ANO10: variants seen among roughly 807,000 people sequenced by gnomAD.
The protein encoded by ANO10 is anoctamin 10.
Under a neutral mutation model 74.7 loss-of-function variants are expected in ANO10, and 77 were observed. The observed-to-expected ratio is 1.03, with a 90% CI of 0.86 to 1.25. The LOEUF (loss-of-function observed/expected upper bound fraction) is 1.25. ANO10 is among the 50% of genes most tolerant of loss of function. The probability of loss-of-function intolerance (pLI) is 0.00; values close to 1 mark genes in which losing one functional copy is unlikely to be tolerated. For missense variants in ANO10, 721 were observed against 778.1 expected (o/e 0.93, Z 0.87); for synonymous variants, 279 against 284.9 (o/e 0.98, Z 0.21).
chr3:43,556,780 G>A (rs934644790), intron 9 of ANO10, among the ~76,000 whole-genome samples: 2 of 152,054 alleles, frequency 1.3e-5, no homozygotes, highest in Non-Finnish European at 2.9e-5. Flanking sequence ...ACACAATGGT[G>A]AGAAGATAAA....
At chr3:43,573,641 G>C (rs1339928428) in intron 7 of ANO10, among the ~76,000 whole-genome samples, 1 of 152,076 alleles carries the variant, frequency 6.6e-6, no homozygotes, top group African/African-American at 2.4e-5. Flanking sequence ...CGATAAATGA[G>C]GTGTTTTCAA....
At chr3:43,427,822 C>G (rs1215968748) in intron 12 of ANO10, among the ~76,000 whole-genome samples, 1 of 152,154 alleles carries the variant, frequency 6.6e-6, no homozygotes, top group Non-Finnish European at 1.5e-5. Flanking sequence ...AAGTCATGGC[C>G]AGTTAATTTT....
intron 12 of ANO10, among the ~76,000 whole-genome samples, chr3:43,390,710 C>T (rs975250673): frequency 2.0e-5 from 3 of 152,190 alleles, no homozygotes; most frequent in Non-Finnish European, 2.9e-5. Context: ...ACAGTAACCA[C>T]AAACAGATCT....
chr3:43,687,302 A>G (rs1187355025), intron 1 of ANO10, among the ~76,000 whole-genome samples: 1 of 152,206 alleles, frequency 6.6e-6, no homozygotes, highest in Non-Finnish European at 1.5e-5. Flanking sequence ...AGGCCATTGA[A>G]GCCCTCATAA....
intron 12 of ANO10, among the ~76,000 whole-genome samples, chr3:43,408,519 T>C (rs1428846328): frequency 6.6e-6 from 1 of 152,182 alleles, no homozygotes; most frequent in African/African-American, 2.4e-5. Context: ...ACATTTTACT[T>C]ACTGCCCAAA....
At chr3:43,471,760 G>A (rs1401556732) in intron 11 of ANO10, among the ~76,000 whole-genome samples, 1 of 152,132 alleles carries the variant, frequency 6.6e-6, no homozygotes, top group Non-Finnish European at 1.5e-5. Flanking sequence ...GTGACACAGT[G>A]AGACCCCATC....
rs1248469622 is a variant in ANO10, at chr3:43,447,678, G to A, written c.1798-14951C>T. Among the ~76,000 whole-genome samples the A allele has an allele frequency of 2.6e-5, 4 of 152,224 alleles. No homozygotes were observed. In the East Asian group the frequency reaches 7.7e-4, roughly 29 times the overall value. ...TTAGAACATGTTAAATTCTAATGAA[G>A]TTCTACTATTTTTTATTGAGATTTT... is the stretch of plus-strand genomic sequence containing the variant. On this transcript the variant is annotated intron_variant, in intron 11 of 12. Coordinates refer to ENST00000292246, the MANE Select transcript of ANO10 (RefSeq NM_018075.5).
At position 43,475,507 on chromosome 3, in the gene ANO10, C is replaced by T. The variant is rs116718559; in HGVS notation, c.1798-42780G>A. On this transcript the variant is annotated intron_variant, in intron 11 of 12. Transcript: ENST00000292246. ...TTATCCACTCTCCCCAAATGGCTTGCCATTTGTCCCAGCAACATTTAATAC... is the reference window on the plus strand; with the variant it reads ...TTATCCACTCTCCCCAAATGGCTTGTCATTTGTCCCAGCAACATTTAATAC... Among the ~76,000 whole-genome samples the T allele has an allele frequency of 9.0e-3, 1,371 of 152,270 alleles. 19 individuals carry two copies. Among genetic ancestry groups the T allele is most frequent in the African/African-American group, 0.03 (1,247 of 41,538 alleles).
intron 7 of ANO10, among the ~76,000 whole-genome samples, chr3:43,567,914 T>A (rs2080460850): frequency 2.0e-5 from 3 of 152,202 alleles, no homozygotes; most frequent in East Asian, 1.9e-4. Flanking sequence ...TCAAGACCCA[T>A]CAGTGTGCTG....
intron 11 of ANO10, among the ~76,000 whole-genome samples, chr3:43,511,520 G>A (rs1011111882): frequency 5.1e-4 from 78 of 152,042 alleles, no homozygotes; most frequent in African/African-American, 1.6e-3. Context: ...CTTTCTTCAC[G>A]TGTAAATCAT....
intron 12 of ANO10, among the ~76,000 whole-genome samples, chr3:43,376,852 T>C (rs1398521593): frequency 6.6e-6 from 1 of 152,086 alleles, no homozygotes; most frequent in Non-Finnish European, 1.5e-5. Context: ...GAAGAGGAGA[T>C]CTTCCACCCA....
intron 12 of ANO10, among the ~76,000 whole-genome samples, chr3:43,398,846 T>C (rs1295964545): frequency 6.6e-6 from 1 of 152,232 alleles, no homozygotes; most frequent in Non-Finnish European, 1.5e-5. Context: ...TAGAGTTTTT[T>C]GAGAAAGGGT....
chr3:43,619,915 T>G (rs2149544003), intron 1 of ANO10, among the ~76,000 whole-genome samples: 1 of 151,704 alleles, frequency 6.6e-6, no homozygotes, highest in African/African-American at 2.4e-5. Flanking sequence ...ATTCCGTAAT[T>G]TCCTAACACA....
At chr3:43,465,710 G>A (rs1209272867) in intron 11 of ANO10, among the ~76,000 whole-genome samples, 1 of 152,140 alleles carries the variant, frequency 6.6e-6, no homozygotes, top group Admixed American at 6.5e-5. Context: ...GTTCATTACT[G>A]ATTGTAATGT....
chr3:43,689,796 G>A (rs1559404765), intron 1 of ANO10, among the ~76,000 whole-genome samples: 1 of 152,180 alleles, frequency 6.6e-6, no homozygotes, highest in Non-Finnish European at 1.5e-5. Context: ...GGAGAACAAT[G>A]AACTGAGTCT....
chr3:43,415,607 T>C (rs2092726420), intron 12 of ANO10, among the ~76,000 whole-genome samples: 1 of 151,922 alleles, frequency 6.6e-6, no homozygotes, highest in Non-Finnish European at 1.5e-5. Context: ...AGAGGCATGA[T>C]CTAGGCTCAC....
chr3:43,606,861 C>T (rs868040232), intron 1 of ANO10, among the ~76,000 whole-genome samples: 1 of 152,138 alleles, frequency 6.6e-6, no homozygotes, highest in African/African-American at 2.4e-5. Flanking sequence ...TCAAACTCTT[C>T]TGCTGAAGAC....
At chr3:43,403,721 C>T (rs1001441854) in intron 12 of ANO10, among the ~76,000 whole-genome samples, 7 of 152,218 alleles carry the variant, frequency 4.6e-5, no homozygotes, top group East Asian at 1.9e-4. Context: ...TTTAAATAGG[C>T]TTGGTCAGCT....
chr3:43,527,711 GCAAGT>G (rs2078269668), intron 11 of ANO10, among the ~76,000 whole-genome samples: 1 of 152,150 alleles, frequency 6.6e-6, no homozygotes, highest in African/African-American at 2.4e-5. Context: ...CACCTAAGTG[GCAAGT>G]CAAGTCAGAC....
Sources: allele counts gnomAD v4.1 joint callset (sites outside exome capture counted in the v4.1 genomes callset), GRCh38; gene constraint gnomAD v4.1.1; transcripts MANE v1.5; gene names NCBI Gene and HGNC (gene_info 2026-07-23, HGNC 2026-07-21).